The following CREM variants were observed in gnomAD, a reference collection of about 807,000 sequenced individuals.
The protein encoded by CREM is cAMP-responsive element modulator.
CREM carries 13 observed loss-of-function variants against 37.3 expected under a neutral mutation model. The observed-to-expected ratio is 0.35, with a 90% CI of 0.23 to 0.55. The LOEUF (loss-of-function observed/expected upper bound fraction) is 0.55, where lower values mean the gene tolerates loss of function less well. CREM is among the 20% of genes least tolerant of loss of function. The pLI, the probability that CREM is intolerant of heterozygous loss-of-function variation, is 0.88. For missense variants in CREM, 296 were observed against 362.3 expected (o/e 0.82, Z 1.49); for synonymous variants, 124 against 120.2 (o/e 1.03, Z -0.21).
intron 3 of CREM, among the ~76,000 whole-genome samples, chr10:35,160,921 G>A (rs943683513): frequency 6.6e-6 from 1 of 152,150 alleles, no homozygotes; most frequent in African/African-American, 2.4e-5. Flanking sequence ...CCATTGGAAG[G>A]TTCTCAGGGA....
chr10:35,180,816 C>T lies in CREM; in HGVS notation c.409+1540C>T, dbSNP rs565947107. 6.6e-5 allele frequency among the ~76,000 whole-genome samples: 10 copies of T among 152,324 alleles called. 1 individual carries two copies. In the South Asian group the frequency reaches 1.4e-3, roughly 22 times the overall value. On this transcript the variant is annotated intron_variant, in intron 5 of 7. Transcript: ENST00000685392. ...GTGCTGAGTGCCTCGTCCCCCCGTCCCCAGAGGGGCTGGGCAGAAGCTGCT... is the reference window on the plus strand; with the variant it reads ...GTGCTGAGTGCCTCGTCCCCCCGTCTCCAGAGGGGCTGGGCAGAAGCTGCT...
intron 7 of CREM, chr10:35,210,380 A>T (rs1465973903): frequency 1.3e-5 from 2 of 152,214 alleles, no homozygotes; most frequent in East Asian, 3.8e-4. Flanking sequence ...TGGTGGGGTT[A>T]TGTATGAAAA....
chr10:35,187,579 A>G (rs1407074149), intron 5 of CREM, among the ~76,000 whole-genome samples: 1 of 152,074 alleles, frequency 6.6e-6, no homozygotes, highest in Non-Finnish European at 1.5e-5. Context: ...CTTAAAAACT[A>G]CTTTCTTTTG....
At chr10:35,140,217 G>A (rs2091232906) in intron 2 of CREM, among the ~76,000 whole-genome samples, 1 of 152,146 alleles carries the variant, frequency 6.6e-6, no homozygotes, top group African/African-American at 2.4e-5. Context: ...TACTCTGGCA[G>A]AATACAAATG....
intron 6 of CREM, among the ~76,000 whole-genome samples, chr10:35,192,383 C>G (rs1380693092): frequency 1.3e-5 from 2 of 152,186 alleles, no homozygotes; most frequent in Non-Finnish European, 2.9e-5. Flanking sequence ...GAGTCTCACT[C>G]TCTTGGCCAG....
chr10:35,149,236 A>G (rs982806565), intron 3 of CREM, among the ~76,000 whole-genome samples: 13 of 152,198 alleles, frequency 8.5e-5, no homozygotes, highest in African/African-American at 1.2e-4. Context: ...AGCTAGGCAC[A>G]AAGGATGAGT....
chr10:35,211,460 T>C lies in CREM; in HGVS notation c.*62T>C, dbSNP rs955580519. The C allele has an allele frequency of 7.8e-5, 123 of 1,571,062 alleles. No individual in the cohort carries two copies. The highest frequency in any genetic ancestry group is 9.1e-5 in the Admixed American group (5 of 55,226). ...GCAGGAGATGCAGCAGTCCTACTTA[T>C]TGCCATGTGGACTTGTGGGAAGGAC... On this transcript the variant is annotated 3_prime_UTR_variant, in exon 8 of 8. Transcript: ENST00000685392.
chr10:35,160,635 ACAT>A (rs748923905), intron 3 of CREM, among the ~76,000 whole-genome samples: 2 of 152,206 alleles, frequency 1.3e-5, no homozygotes, highest in East Asian at 3.8e-4. Context: ...AATTCATAAA[ACAT>A]CATTTCTTCA....
At chr10:35,146,737 A>T (rs373040619) in intron 2 of CREM, among the ~76,000 whole-genome samples, 2 of 152,226 alleles carry the variant, frequency 1.3e-5, no homozygotes, top group African/African-American at 2.4e-5. Flanking sequence ...CTGGTCAGTT[A>T]TAAGTATTAA....
chr10:35,151,780 T>C (rs1342218840), intron 3 of CREM, among the ~76,000 whole-genome samples: 2 of 152,218 alleles, frequency 1.3e-5, no homozygotes, highest in Non-Finnish European at 2.9e-5. Flanking sequence ...TTATTTTAGT[T>C]AACTAAGAAT....
chr10:35,134,076 C>T (rs2089985459), intron 1 of CREM, among the ~76,000 whole-genome samples: 1 of 145,050 alleles, frequency 6.9e-6, no homozygotes, highest in Non-Finnish European at 1.5e-5. Flanking sequence ...TTTTTCAAGA[C>T]AGCTCTGTTG....
chr10:35,193,441 C>G (rs1269860033), intron 6 of CREM, among the ~76,000 whole-genome samples: 1 of 152,036 alleles, frequency 6.6e-6, no homozygotes, highest in Non-Finnish European at 1.5e-5. Context: ...ACATAAAAAT[C>G]AATTTCTTAT....
chr10:35,188,659 ATT>A (rs34929610), intron 6 of CREM, among the ~76,000 whole-genome samples: 88 of 138,618 alleles, frequency 6.3e-4, no homozygotes, highest in Admixed American at 5.8e-4. Context: ...ACATGAATGA[ATT>A]TTTTTTTTTT....
chr10:35,175,472 C>A (rs2132938332), intron 3 of CREM: 1 of 549,210 alleles, frequency 1.8e-6, no homozygotes, highest in South Asian at 2.2e-5. Flanking sequence ...TAGTTAAGTT[C>A]TATCTCCAAT....
At chr10:35,171,816 G>A (rs2093834415) in intron 3 of CREM, among the ~76,000 whole-genome samples, 1 of 152,186 alleles carries the variant, frequency 6.6e-6, no homozygotes, top group South Asian at 2.1e-4. Context: ...CAAGCTTTGG[G>A]AGCTCCTTAA....
chr10:35,144,837 G>C (rs756717979), intron 2 of CREM, among the ~76,000 whole-genome samples: 1 of 151,120 alleles, frequency 6.6e-6, no homozygotes, highest in African/African-American at 2.4e-5. Flanking sequence ...TCATGACTCA[G>C]GATAGTTATT....
At chr10:35,176,842 C>T (rs2094115199) in intron 3 of CREM, among the ~76,000 whole-genome samples, 1 of 152,044 alleles carries the variant, frequency 6.6e-6, no homozygotes, top group Non-Finnish European at 1.5e-5. Flanking sequence ...ATTAATGTAT[C>T]CCTCTCGATT....
rs74745034 is a variant in CREM at position 35,144,566 on chromosome 10, C to A, written c.45-3802C>A. On this transcript the variant is annotated intron_variant, in intron 2 of 7. Coordinates refer to ENST00000685392, the MANE Select transcript of CREM (RefSeq NM_183011.2). ...TGTAGTATTGACAAAGGGAAAAGGG[C>A]AAAGGACTGAACTCTCTGGGAAATG... Among the ~76,000 whole-genome samples, 213 of 152,052 alleles carry A rather than the reference C, an allele frequency of 1.4e-3. 3 individuals are homozygous for A. In the East Asian group the frequency reaches 0.039, roughly 28 times the overall value.
At chr10:35,193,711 C>T (rs1336983007) in intron 6 of CREM, among the ~76,000 whole-genome samples, 1 of 152,152 alleles carries the variant, frequency 6.6e-6, no homozygotes. Flanking sequence ...GGTGTAAAGT[C>T]CTTACCTTTA....
Sources: allele counts gnomAD v4.1 joint callset (sites outside exome capture counted in the v4.1 genomes callset), GRCh38; gene constraint gnomAD v4.1.1; transcripts MANE v1.5; gene names NCBI Gene and HGNC (gene_info 2026-07-23, HGNC 2026-07-21).